The following PRKAG2 variants were observed in gnomAD, a reference collection of about 807,000 sequenced individuals.
PRKAG2 encodes 5'-AMP-activated protein kinase subunit gamma-2.
In PRKAG2, 26 loss-of-function variants were observed where a neutral mutation model predicts 69.6. That is an observed-to-expected ratio of 0.37 (90% CI 0.27 to 0.52). The LOEUF (loss-of-function observed/expected upper bound fraction) is 0.52, where lower values mean the gene tolerates loss of function less well. Among genes scored for constraint, PRKAG2 ranks in the 20% least tolerant of loss-of-function variants. The probability of loss-of-function intolerance (pLI) is 0.90; values close to 1 mark genes in which losing one functional copy is unlikely to be tolerated. For synonymous variants in PRKAG2, 293 were observed against 285.0 expected (o/e 1.03, Z -0.28); for missense variants, 557 against 740.0 (o/e 0.75, Z 2.87).
At position 151,632,078 on chromosome 7, in the gene PRKAG2, C is replaced by T. The variant is rs1585369730; in HGVS notation, c.745G>A (p.Glu249Lys). 2 of 1,407,790 alleles carry T rather than the reference C, an allele frequency of 1.4e-6. No homozygotes were observed. Among genetic ancestry groups the T allele is most frequent in the Non-Finnish European group, 1.9e-6 (2 of 1,066,708 alleles). The allele number at this position is 1,407,790 out of a possible 1,614,324, so 87.2% of individuals were successfully genotyped here. ...GGCGGGGCGCACTCACCTTCGTCCT[C>T]GAACTCCAGCTTCTCCAGCATGCCG... ...EAGMLEKLEF[E>K]DEAVEDSESG... Residue 249 changes from glutamate (E) to lysine (K), a missense_variant, in exon 5 of 16, where the codon GAG becomes AAG. By Grantham distance (56) the Glu-to-Lys change is moderately conservative. This residue lies in a region of PRKAG2 where 352 missense variants were observed against 356.7 expected (regional missense o/e 0.99). Coordinates refer to ENST00000287878, the MANE Select transcript of PRKAG2 (RefSeq NM_016203.4). This position sits in a 1 kb window ranked among gnomAD's most constrained non-coding sequence, Gnocchi z 4.2.
chr7:151,852,188 G>C (rs1402140531), intron 1 of PRKAG2, among the ~76,000 whole-genome samples: 2 of 152,250 alleles, frequency 1.3e-5, no homozygotes, highest in African/African-American at 2.4e-5. Context: ...CTGGGGCTAG[G>C]GGGGACAGAA....
chr7:151,630,469 C>T (rs954945047), intron 5 of PRKAG2, among the ~76,000 whole-genome samples: 1 of 152,180 alleles, frequency 6.6e-6, no homozygotes, highest in Admixed American at 6.5e-5. Flanking sequence ...TTTTTAAATG[C>T]CATGATACGG....
chr7:151,574,841 C>A, intron 8 of PRKAG2, 50 bp downstream of exon 8: 1 of 1,612,628 alleles, frequency 6.2e-7, no homozygotes, highest in Admixed American at 1.7e-5. Flanking sequence ...TACACACATA[C>A]ATAGATACGT....
intron 5 of PRKAG2, among the ~76,000 whole-genome samples, chr7:151,599,153 C>T (rs1008466858): frequency 6.6e-6 from 1 of 152,012 alleles, no homozygotes; most frequent in African/African-American, 2.4e-5. Context: ...GTGCCCAGCC[C>T]TAACTGACAA....
At chr7:151,757,062 C>T (rs563304595) in intron 3 of PRKAG2, among the ~76,000 whole-genome samples, 1 of 152,222 alleles carries the variant, frequency 6.6e-6, no homozygotes, top group Non-Finnish European at 1.5e-5. Context: ...GGGACAATGG[C>T]CCTATTGATG....
intron 3 of PRKAG2, among the ~76,000 whole-genome samples, chr7:151,688,557 C>T (rs898438588): frequency 1.3e-5 from 2 of 152,224 alleles, no homozygotes; most frequent in South Asian, 2.1e-4. Context: ...CCGTCTGCAA[C>T]GTCCCTGCCC....
intron 3 of PRKAG2, 135 bp from the exon 4 acceptor site, chr7:151,675,772 GC>G: frequency 1.2e-6 from 1 of 823,046 alleles, no homozygotes; most frequent in Non-Finnish European, 2.0e-6. Context: ...GACGTCGGGG[GC>G]AGTCAGAGGT....
At chr7:151,598,251 CTGA>C (rs1294541949) in intron 5 of PRKAG2, among the ~76,000 whole-genome samples, 8 of 152,182 alleles carry the variant, frequency 5.3e-5, no homozygotes, top group African/African-American at 1.9e-4. Context: ...TCTAAACAAG[CTGA>C]TCTCACAGGA....
intron 3 of PRKAG2, among the ~76,000 whole-genome samples, chr7:151,725,430 A>C (rs1284146452): frequency 6.6e-6 from 1 of 152,086 alleles, no homozygotes; most frequent in Non-Finnish European, 1.5e-5. Flanking sequence ...TAAGTGCTTC[A>C]GGATGAAAAG....
rs75679571 is a variant in PRKAG2, at chr7:151,847,228, C to T, written c.114+29279G>A. ...CACAGCAGTGTCCACACAGCAGATA[C>T]CAGCTTAACTGTGTGGCCGAGATGG... On this transcript the variant is annotated intron_variant, in intron 1 of 15. Coordinates refer to ENST00000287878, the MANE Select transcript of PRKAG2 (RefSeq NM_016203.4). Among the ~76,000 whole-genome samples the T allele has an allele frequency of 6.4e-3, 968 of 152,284 alleles. 12 individuals are homozygous for T. Among genetic ancestry groups the T allele is most frequent in the South Asian group, 0.032 (154 of 4,826 alleles).
rs1001445002 is a variant in PRKAG2 at position 151,756,232 on chromosome 7, G to A, written c.466+24920C>T. ...AAAATGACTCACGTACAGGTCATGT[G>A]AGCAATGCCCCAGGAACACACACCA... is the stretch of plus-strand genomic sequence containing the variant. On this transcript the variant is annotated intron_variant, in intron 3 of 15. Coordinates refer to ENST00000287878, the MANE Select transcript of PRKAG2 (RefSeq NM_016203.4). The surrounding 1 kb of genome is among the most constrained non-coding windows in gnomAD (Gnocchi z 4.9). Among the ~76,000 whole-genome samples, 3 of 152,150 alleles carry A rather than the reference G, an allele frequency of 2.0e-5. No individual in the cohort carries two copies. Among genetic ancestry groups the A allele is most frequent in the African/African-American group, 7.2e-5 (3 of 41,432 alleles).
intron 1 of PRKAG2, among the ~76,000 whole-genome samples, chr7:151,861,435 T>A (rs2079919247): frequency 7.2e-6 from 1 of 139,162 alleles, no homozygotes; most frequent in Non-Finnish European, 1.5e-5. Flanking sequence ...GGCTGACACA[T>A]AAGAATTGGT....
At chr7:151,637,629 T>G (rs1825954506) in intron 4 of PRKAG2, among the ~76,000 whole-genome samples, 1 of 152,130 alleles carries the variant, frequency 6.6e-6, no homozygotes, top group African/African-American at 2.4e-5. Context: ...TTTCTACAGG[T>G]TTTTTACTTA....
chr7:151,692,897 G>T (rs10271654), intron 3 of PRKAG2, among the ~76,000 whole-genome samples: 7 of 152,252 alleles, frequency 4.6e-5, no homozygotes, highest in African/African-American at 7.2e-5. Flanking sequence ...GGGGGAAGGA[G>T]CGAGGTCTCA....
At chr7:151,600,603 G>GA (rs1815809027) in intron 5 of PRKAG2, among the ~76,000 whole-genome samples, 1 of 152,168 alleles carries the variant, frequency 6.6e-6, no homozygotes, top group Admixed American at 6.5e-5. Context: ...ATAAATTCCA[G>GA]ACGTCTCCTG....
chr7:151,576,230 T>C lies in PRKAG2; in HGVS notation c.946+141A>G, dbSNP rs1808894823. On this transcript the variant is annotated intron_variant, in intron 7 of 15. Coordinates refer to ENST00000287878, the MANE Select transcript of PRKAG2 (RefSeq NM_016203.4). ...TGCTGAGATTACGGGCATGGGCCAC[T>C]GCACCCTGCCAGCAAGAATGTTCTT... The C allele has an allele frequency of 1.2e-5, 11 of 895,894 alleles. 1 individual carries two copies. Among genetic ancestry groups the C allele is most frequent in the South Asian group, 4.3e-5 (3 of 69,954 alleles). The allele number at this position is 895,894 out of a possible 1,614,324, so 55.5% of individuals were successfully genotyped here. A position where few individuals can be genotyped will look rare whatever the true frequency, so the allele number is the denominator to read the frequency against.
In PRKAG2 at chr7:151,850,319, G is replaced by T. The variant is rs911404410; in HGVS notation, c.114+26188C>A. On this transcript the variant is annotated intron_variant, in intron 1 of 15. Transcript: ENST00000287878. This position sits in a 1 kb window ranked among gnomAD's most constrained non-coding sequence, Gnocchi z 4.1. ...TAATGGAAAGACGCCTGTCCAGAAG[G>T]TTTCTCCTGGAAGGAGGGATCAAAT... 2.6e-5 allele frequency among the ~76,000 whole-genome samples: 4 copies of T among 152,240 alleles called. No homozygotes were observed. The highest frequency in any genetic ancestry group is 7.2e-5 in the African/African-American group (3 of 41,464).
At chr7:151,596,076 C>T (rs1005936484) in intron 5 of PRKAG2, among the ~76,000 whole-genome samples, 1 of 152,096 alleles carries the variant, frequency 6.6e-6, no homozygotes, top group Admixed American at 6.5e-5. Context: ...ACAAGAATGC[C>T]TGCTGTTGCT....
chr7:151,656,088 C>T (rs990933189), intron 4 of PRKAG2, among the ~76,000 whole-genome samples: 1 of 152,114 alleles, frequency 6.6e-6, no homozygotes, highest in South Asian at 2.1e-4. Flanking sequence ...ACCTGAGTAG[C>T]ACTATATTGT....
Sources: allele counts gnomAD v4.1 joint callset (sites outside exome capture counted in the v4.1 genomes callset), GRCh38; gene constraint gnomAD v4.1.1; regional missense constraint gnomAD v4.1.1; non-coding constraint Gnocchi (gnomAD v3.1); transcripts MANE v1.5; gene names NCBI Gene and HGNC (gene_info 2026-07-23, HGNC 2026-07-21).